SOD2: variants seen among roughly 807,000 people sequenced by gnomAD.
SOD2 encodes the protein superoxide dismutase 2.
Under a neutral mutation model 27.0 loss-of-function variants are expected in SOD2, and 11 were observed. The observed-to-expected ratio is 0.41, with a 90% confidence interval of 0.26 to 0.67. SOD2 has a LOEUF of 0.67. SOD2 is among the 30% of genes least tolerant of loss of function. The probability of loss-of-function intolerance (pLI) is 0.34; values close to 1 mark genes in which losing one functional copy is unlikely to be tolerated. For synonymous variants in SOD2, 105 were observed against 103.0 expected (o/e 1.02, Z -0.12); for missense variants, 250 against 274.5 (o/e 0.91, Z 0.63).
Position 159,712,974 on chromosome 6 carries a change from C to T in SOD2, c.-116+14155G>A, listed in dbSNP as rs1583040981. 9.9e-5 allele frequency: 61 copies of T among 616,696 alleles called. No homozygotes were observed. In the South Asian group the frequency reaches 1.3e-3, roughly 13 times the overall value. The allele number at this position is 616,696 out of a possible 1,614,324, so 38.2% of individuals were successfully genotyped here. A position where few individuals can be genotyped will look rare whatever the true frequency, so the allele number is the denominator to read the frequency against. ...TTAGCTTTGTCTTTTGCCATAGCTG[C>T]CACTGCATCTTCGTGAGCAGCAAAC... On this transcript the variant is annotated intron_variant, in intron 1 of 2. Transcript: ENST00000401980.
intron 3 of SOD2, 47 bp downstream of exon 3, chr6:159,688,079 C>T (rs756966057): frequency 2.0e-6 from 2 of 1,015,000 alleles, no homozygotes; most frequent in East Asian, 4.8e-5. Context: ...ACAATCGATT[C>T]CTACTGTGCA....
chr6:159,761,717 G>A (rs2277073), exon 1 of SOD2: 287,911 of 363,672 alleles, frequency 0.79, 114,734 homozygotes, highest in South Asian at 0.85. Context: ...AAAAGCCCAA[G>A]ACGTCAAGTC....
rs761865173 is a variant in SOD2 at position 159,676,908 on chromosome 6, T to C, written c.*5585A>G. 1 of 152,018 alleles carries C rather than the reference T, an allele frequency of 6.6e-6. No homozygotes were observed. The highest frequency in any genetic ancestry group is 1.5e-5 in the Non-Finnish European group (1 of 68,032). 9.4% of individuals were successfully genotyped at this position (152,018 alleles called of 1,614,324 possible). A position where few individuals can be genotyped will look rare whatever the true frequency, so the allele number is the denominator to read the frequency against. On this transcript the variant is annotated 3_prime_UTR_variant, in exon 5 of 5. Transcript: ENST00000538183. ...CCAGGTCTTCCAGTACCTAATTCAATGTTCTTTCCATGCCCACACAAAGGC... is the reference window on the plus strand; with the variant it reads ...CCAGGTCTTCCAGTACCTAATTCAACGTTCTTTCCATGCCCACACAAAGGC...
At chr6:159,703,033 G>A (rs1053005448) in intron 1 of SOD2, among the ~76,000 whole-genome samples, 3 of 149,528 alleles carry the variant, frequency 2.0e-5, no homozygotes, top group Non-Finnish European at 4.5e-5. Context: ...AATGGCTTCC[G>A]GCCAGGCATG....
intron 3 of SOD2, among the ~76,000 whole-genome samples, chr6:159,687,478 G>A (rs763788410): frequency 8.4e-5 from 10 of 118,974 alleles, no homozygotes; most frequent in African/African-American, 2.7e-4. Context: ...GTAAGACTCC[G>A]TCTCAAAAAA....
At chr6:159,728,430 C>A (rs59246098), upstream of SOD2, among the ~76,000 whole-genome samples, 10,715 of 151,814 alleles carry the variant, frequency 0.071, 775 homozygotes, top group African/African-American at 0.18. Context: ...CAAAACAAAA[C>A]AAAAAAACTA....
At chr6:159,736,240 C>T (rs774404692) in intron 1 of SOD2, 52 of 1,575,950 alleles carry the variant, frequency 3.3e-5, no homozygotes, top group African/African-American at 9.6e-5. Context: ...ACTTGTTTTC[C>T]GCAACTTTTT....
chr6:159,726,871 G>C, intron 1 of SOD2: 1 of 1,289,232 alleles, frequency 7.8e-7, no homozygotes, highest in Non-Finnish European at 1.0e-6. Flanking sequence ...TCTGCTAAGA[G>C]TAAACGCCCG....
intron 1 of SOD2, among the ~76,000 whole-genome samples, chr6:159,719,925 T>C (rs1283659319): frequency 6.6e-6 from 1 of 151,602 alleles, no homozygotes; most frequent in Admixed American, 6.6e-5. Context: ...GGTTTCACCA[T>C]GTTGGCTAGG....
rs755797525 is a variant in SOD2, at chr6:159,712,684, C to G, written c.-116+14445G>C. ...TGATCACCCTAACCACCTCCATAAC[C>G]ACGACTCAGCTGCTCTGACCTCCAT... On this transcript the variant is annotated intron_variant, in intron 1 of 2. Coordinates refer to the SOD2 transcript ENST00000401980. 6.7e-5 allele frequency: 23 copies of G among 341,168 alleles called. 1 individual carries two copies. Among genetic ancestry groups the G allele is most frequent in the Middle Eastern group, 4.4e-4 (1 of 2,250 alleles). 21.1% of individuals were successfully genotyped at this position (341,168 alleles called of 1,614,324 possible).
At chr6:159,693,323 G>T, upstream of SOD2, 1 of 348,342 alleles carries the variant, frequency 2.9e-6, no homozygotes, top group Non-Finnish European at 4.5e-6. Flanking sequence ...GGGCACCGCC[G>T]CCCCGCCCCC....
At chr6:159,761,711 G>A (rs1780130703) in exon 1 of SOD2, 1 of 371,434 alleles carries the variant, frequency 2.7e-6, no homozygotes, top group African/African-American at 2.1e-5. Context: ...TTAAAAAAAA[G>A]CCCAAGACGT....
At chr6:159,725,246 AC>A (rs1778130130) in intron 1 of SOD2, among the ~76,000 whole-genome samples, 1 of 152,176 alleles carries the variant, frequency 6.6e-6, no homozygotes, top group Non-Finnish European at 1.5e-5. Flanking sequence ...TGGGAGGCCA[AC>A]CTGCAGGCGG....
intron 1 of SOD2, among the ~76,000 whole-genome samples, chr6:159,740,530 T>G (rs1779188438): frequency 6.6e-6 from 1 of 152,182 alleles, no homozygotes. Flanking sequence ...AAATAAATCG[T>G]TCTTTTATAG....
upstream of SOD2, among the ~76,000 whole-genome samples, chr6:159,728,132 G>A (rs1778328536): frequency 6.6e-6 from 1 of 152,236 alleles, no homozygotes. Context: ...TTCATGTCAC[G>A]CAGTAGGATG....
Position 159,684,961 on chromosome 6 carries a change from G to C in SOD2, c.416C>G (p.Ser139Cys), listed in dbSNP as rs767559801. 1.9e-6 allele frequency: 3 copies of C among 1,613,498 alleles called. No homozygotes were observed. The highest frequency in any genetic ancestry group is 2.5e-6 in the Non-Finnish European group (3 of 1,179,744). ...CCAACCTGAGCCTTGGACACCAACA[G>C]ATGCAGCCGTCAGCTTCTCCTTAAA... Reference protein sequence around the residue: ...DKFKEKLTAASVGVQGSGWGW... With the variant: ...DKFKEKLTAACVGVQGSGWGW... Residue 139 changes from serine (S) to cysteine (C), a missense_variant, in exon 4 of 5, where the codon TCT (serine) becomes TGT (cysteine). By Grantham distance (112) the Ser-to-Cys change is moderately radical. Coordinates refer to ENST00000538183, the MANE Select transcript of SOD2 (RefSeq NM_000636.4).
chr6:159,697,815 T>C (rs1777450672), upstream of SOD2, among the ~76,000 whole-genome samples: 2 of 152,334 alleles, frequency 1.3e-5, no homozygotes, highest in South Asian at 2.1e-4. Flanking sequence ...AATGATGCAG[T>C]GTCAGGGGTG....
chr6:159,761,895 C>G (rs1780139528), exon 1 of SOD2: 1 of 376,318 alleles, frequency 2.7e-6, no homozygotes, highest in South Asian at 8.9e-5. Context: ...CCGCGCCCCG[C>G]GCGCCTCCGC....
intron 1 of SOD2, among the ~76,000 whole-genome samples, chr6:159,734,562 G>A (rs2114888353): frequency 6.6e-6 from 1 of 152,236 alleles, no homozygotes; most frequent in Non-Finnish European, 1.5e-5. Context: ...GGTAGTTCTA[G>A]CTACTTGGGA....
Sources: gnomAD v4.1 joint callset for allele counts (sites outside exome capture counted in the v4.1 genomes callset) on GRCh38, gnomAD v4.1.1 for gene constraint, MANE v1.5 for transcripts, NCBI Gene and HGNC (gene_info 2026-07-23, HGNC 2026-07-21) for gene names.